Variants in DYNC2H1 observed in about 807,000 individuals in gnomAD.
DYNC2H1 encodes dynein cytoplasmic 2 heavy chain 1, also known as cytoplasmic dynein 2 heavy chain 1.
DYNC2H1 carries 410 observed loss-of-function variants against 570.0 expected under a neutral mutation model. The ratio of observed to expected loss-of-function variants is 0.72; its 90% CI spans 0.66 to 0.78. The LOEUF (loss-of-function observed/expected upper bound fraction) is 0.78, where lower values mean the gene tolerates loss of function less well. Ranked by LOEUF, DYNC2H1 falls within the 30% of genes least tolerant of loss-of-function variation. DYNC2H1 has a pLI of 0.00. For missense variants in DYNC2H1, 4,865 were observed against 5,046.4 expected (o/e 0.96, Z 1.09); for synonymous variants, 1,688 against 1,677.6 (o/e 1.01, Z -0.15).
rs1183372362 is a variant in DYNC2H1 at position 103,192,235 on chromosome 11, G to C, written c.7679G>C (p.Trp2560Ser). The C allele has an allele frequency of 6.3e-7, 1 of 1,583,360 alleles. No homozygotes were observed. ...IILTSVFQGD[W>S]GSDILDNMSD... ...TTAACATCAGTGTTTCAAGGAGATT[G>C]GGGCTCAGACATATTAGACAATATG... is the stretch of plus-strand genomic sequence containing the variant. The change falls in exon 47 of 89, where the codon TGG (tryptophan) becomes TCG (serine). Residue 2560 changes from tryptophan to serine, a missense_variant. Around this residue, in one of 5 missense-constraint regions of DYNC2H1, gnomAD observed 2,401 missense variants for 2,454.6 expected, o/e 0.98. Coordinates refer to ENST00000375735, the MANE Select transcript of DYNC2H1 (RefSeq NM_001377.3).
intron 65 of DYNC2H1, among the ~76,000 whole-genome samples, chr11:103,246,723 G>A (rs914635561): frequency 3.3e-5 from 5 of 151,968 alleles, no homozygotes; most frequent in Admixed American, 2.0e-4. Flanking sequence ...AGTTCCTCAT[G>A]AGTTGCCATT....
chr11:103,312,819 T>A (rs1000573099), intron 79 of DYNC2H1, among the ~76,000 whole-genome samples: 1 of 152,178 alleles, frequency 6.6e-6, no homozygotes, highest in Non-Finnish European at 1.5e-5. Context: ...AAAACTTGTA[T>A]TCCCCATACC....
At chr11:103,210,390 T>G (rs894791194) in intron 53 of DYNC2H1, among the ~76,000 whole-genome samples, 1 of 152,034 alleles carries the variant, frequency 6.6e-6, no homozygotes, top group African/African-American at 2.4e-5. Context: ...ATTCTCATTA[T>G]TTTCTCTTCA....
chr11:103,232,514 G>A (rs570099459), intron 60 of DYNC2H1, among the ~76,000 whole-genome samples: 1 of 151,984 alleles, frequency 6.6e-6, no homozygotes, highest in African/African-American at 2.4e-5. Flanking sequence ...TTTCATTATA[G>A]AGTCATTGTT....
chr11:103,304,588 T>G lies in DYNC2H1; in HGVS notation c.11257-7T>G. On this transcript the variant is annotated splice_polypyrimidine_tract_variant and splice_region_variant and intron_variant, in intron 76 of 88. Transcript: ENST00000375735. ...TTTAAATTTTGTTTGTTTTTTTGCT[T>G]TTGTAGGTTGCCATGGGTCAAGGTC... 6.2e-7 allele frequency: 1 copy of G among 1,608,082 alleles called. No individual in the cohort carries two copies. The highest frequency in any genetic ancestry group is 8.5e-7 in the Non-Finnish European group (1 of 1,176,572).
intron 84 of DYNC2H1, among the ~76,000 whole-genome samples, chr11:103,429,502 C>A (rs1943812048): frequency 6.6e-6 from 1 of 152,086 alleles, no homozygotes; most frequent in Admixed American, 6.6e-5. Flanking sequence ...GTGATGTACC[C>A]ATGGAGCTGA....
At chr11:103,143,617 G>T (rs1860082984) in intron 18 of DYNC2H1, among the ~76,000 whole-genome samples, 1 of 152,094 alleles carries the variant, frequency 6.6e-6, no homozygotes, top group African/African-American at 2.4e-5. Flanking sequence ...AAAATAGACT[G>T]AAGAAAGAGG....
chr11:103,432,885 T>C (rs749806758), intron 84 of DYNC2H1, among the ~76,000 whole-genome samples: 1 of 152,102 alleles, frequency 6.6e-6, no homozygotes, highest in African/African-American at 2.4e-5. Flanking sequence ...CCAATAAATA[T>C]TAGCTTAAAA....
chr11:103,272,390 A>C (rs1008658940), intron 70 of DYNC2H1, among the ~76,000 whole-genome samples: 1 of 152,122 alleles, frequency 6.6e-6, no homozygotes, highest in African/African-American at 2.4e-5. Context: ...ACTTGGACAC[A>C]AGAAGGGGAA....
chr11:103,296,071 T>C (rs1866811926), intron 75 of DYNC2H1, among the ~76,000 whole-genome samples: 1 of 152,172 alleles, frequency 6.6e-6, no homozygotes, highest in Non-Finnish European at 1.5e-5. Context: ...CTGTGCTGCC[T>C]GTGGTTGGGG....
In DYNC2H1 at chr11:103,286,182, G is replaced by GT. The variant is rs1350244480; in HGVS notation, c.10891-66dup. On this transcript the variant is annotated intron_variant, in intron 73 of 88. Coordinates refer to ENST00000375735, the MANE Select transcript of DYNC2H1 (RefSeq NM_001377.3). ...AACCAATAATTGGTTCTCACTTTTA[G>GT]TTTTTTTAAAAATAAATGTATGTGC... The GT allele has an allele frequency of 2.5e-5, 39 of 1,558,536 alleles. No individual in the cohort carries two copies. In the Admixed American group the frequency reaches 7.0e-4, roughly 28 times the overall value.
chr11:103,468,832 ATTTGCAGTCAAAAGTAC>A, intron 88 of DYNC2H1, 127 bp downstream of exon 88: 1 of 656,238 alleles, frequency 1.5e-6, no homozygotes, highest in Non-Finnish European at 2.5e-6. Context: ...ATTTGAACAA[ATTTGCAGTCAAAAGTAC>A]TTTATCCTTT....
intron 85 of DYNC2H1, among the ~76,000 whole-genome samples, chr11:103,444,241 A>C (rs1429015025): frequency 2.6e-5 from 4 of 151,950 alleles, no homozygotes; most frequent in African/African-American, 9.7e-5. Flanking sequence ...CAATTTTTAT[A>C]ATAATTATTC....
intron 65 of DYNC2H1, among the ~76,000 whole-genome samples, chr11:103,250,905 G>T (rs1027152239): frequency 6.6e-6 from 1 of 151,864 alleles, no homozygotes; most frequent in Non-Finnish European, 1.5e-5. Context: ...TTATTGTAAA[G>T]TATTTTAATT....
In DYNC2H1 at chr11:103,129,734, G is replaced by A. The variant is rs935554821; in HGVS notation, c.1953+729G>A. 2.6e-5 allele frequency among the ~76,000 whole-genome samples: 4 copies of A among 152,132 alleles called. No individual in the cohort carries two copies. In the South Asian group the frequency reaches 6.2e-4, roughly 24 times the overall value. ...AGAAATTAGGAAAACCCATAATAGC[G>A]TTTAAACTGAATGTTACTATGTGAC... is the stretch of plus-strand genomic sequence containing the variant. On this transcript the variant is annotated intron_variant, in intron 13 of 88. Transcript: ENST00000375735. This position sits in a 1 kb window ranked among gnomAD's most constrained non-coding sequence, Gnocchi z 4.1.
Position 103,147,776 on chromosome 11 carries a change from G to C in DYNC2H1, c.2707G>C (p.Val903Leu). ...ATGTCCATTGACATTTTTCAGTGCT[G>C]TCAAGGTAGATTGTTTAAATATTAA... Reference protein sequence around the residue: ...GKEVERLPSAVKVDCLNINCN... With the variant: ...GKEVERLPSALKVDCLNINCN... Residue 903 changes from valine (V) to leucine (L), a missense_variant, in exon 19 of 89, where the codon GTC becomes CTC. This residue lies in a region of DYNC2H1 where 1,936 missense variants were observed against 1,962.1 expected (regional missense o/e 0.99). Transcript: ENST00000375735. 1 of 1,600,632 alleles carries C rather than the reference G, an allele frequency of 6.2e-7. No homozygotes were observed. Among genetic ancestry groups the C allele is most frequent in the Non-Finnish European group, 8.5e-7 (1 of 1,172,236 alleles).
chr11:103,286,413 A>G (rs1350833388), intron 74 of DYNC2H1, 27 bp downstream of exon 74: 1 of 1,603,602 alleles, frequency 6.2e-7, no homozygotes, highest in African/African-American at 1.3e-5. Context: ...TCTAAATGCA[A>G]AAAAGTGTTT....
chr11:103,192,066 T>C, intron 46 of DYNC2H1, 31 bp from the exon 47 acceptor site: 2 of 1,417,298 alleles, frequency 1.4e-6, no homozygotes, highest in Non-Finnish European at 9.5e-7. Flanking sequence ...AATCATTATA[T>C]TACAATTAAA....
intron 79 of DYNC2H1, among the ~76,000 whole-genome samples, chr11:103,315,613 T>C (rs1309532238): frequency 1.3e-5 from 2 of 152,062 alleles, no homozygotes; most frequent in Admixed American, 1.3e-4. Flanking sequence ...ACTTTTATCT[T>C]TGTATGTCAC....
Sources: gnomAD v4.1 joint callset for allele counts (sites outside exome capture counted in the v4.1 genomes callset) on GRCh38, gnomAD v4.1.1 for gene constraint, gnomAD v4.1.1 regional missense constraint, Gnocchi (gnomAD v3.1) non-coding constraint, MANE v1.5 for transcripts, NCBI Gene and HGNC (gene_info 2026-07-23, HGNC 2026-07-21) for gene names.